PIK3CA: variants seen among roughly 807,000 people sequenced by gnomAD.
The protein encoded by PIK3CA is phosphatidylinositol 4,5-bisphosphate 3-kinase catalytic subunit alpha isoform.
A neutral mutation model predicts 138.2 loss-of-function variants in PIK3CA; 27 were observed. The ratio of observed to expected loss-of-function variants is 0.20; its 90% CI spans 0.14 to 0.27. The LOEUF (loss-of-function observed/expected upper bound fraction) is 0.27, where lower values mean the gene tolerates loss of function less well. PIK3CA is among the 10% of genes least tolerant of loss of function. The probability of loss-of-function intolerance (pLI) is 1.00; values close to 1 mark genes in which losing one functional copy is unlikely to be tolerated. For synonymous variants in PIK3CA, 358 were observed against 413.2 expected (o/e 0.87, Z 1.62); for missense variants, 544 against 1,277.4 (o/e 0.43, Z 8.75).
intron 4 of PIK3CA, among the ~76,000 whole-genome samples, chr3:179,202,939 GTTTTTT>G (rs372017091): frequency 9.2e-5 from 11 of 119,022 alleles, no homozygotes; most frequent in Admixed American, 8.9e-4. Context: ...TGTGATCCTT[GTTTTTT>G]TTTTTTTTTT....
At chr3:179,170,076 G>GCGCGCGTGCACACA (rs1553815527) in intron 1 of PIK3CA, among the ~76,000 whole-genome samples, 1 of 139,210 alleles carries the variant, frequency 7.2e-6, no homozygotes, top group African/African-American at 3.0e-5. Context: ...ACGCGCGCGC[G>GCGCGCGTGCACACA]CACACACACA....
At chr3:179,233,417 ATTT>A (rs75435014) in intron 20 of PIK3CA, 5 of 332,564 alleles carry the variant, frequency 1.5e-5, no homozygotes, top group Admixed American at 5.0e-5. Context: ...AACTATTTTA[ATTT>A]TTTTTTTTTG....
At chr3:179,166,637 T>G (rs1225746860) in intron 1 of PIK3CA, among the ~76,000 whole-genome samples, 1 of 152,230 alleles carries the variant, frequency 6.6e-6, no homozygotes, top group African/African-American at 2.4e-5. Context: ...TACAAATATT[T>G]GTTTAATCAA....
chr3:179,206,092 T>C (rs917802007), intron 6 of PIK3CA, among the ~76,000 whole-genome samples: 5 of 149,046 alleles, frequency 3.4e-5, no homozygotes, highest in African/African-American at 1.2e-4. Context: ...GGATCTTTTT[T>C]TTTTTTTTTT....
chr3:179,211,365 T>C (rs1408190093), intron 9 of PIK3CA, among the ~76,000 whole-genome samples: 1 of 152,202 alleles, frequency 6.6e-6, no homozygotes, highest in Non-Finnish European at 1.5e-5. Context: ...AAGCATTGCA[T>C]ATATCCACTT....
rs1724943124 is a variant in PIK3CA, at chr3:179,220,623, A to G, written c.2016-363A>G. Among the ~76,000 whole-genome samples the G allele has an allele frequency of 6.6e-6, 1 of 152,188 alleles. No homozygotes were observed. The stretch of plus-strand genomic sequence containing the variant: ...AAGTTAAGTTGAAAACAAGAAGCAT[A>G]GGCGTGTGTCAGAAGAGTCAAACAG... On this transcript the variant is annotated intron_variant, in intron 13 of 20. Transcript: ENST00000263967. The surrounding 1 kb of genome is among the most constrained non-coding windows in gnomAD (Gnocchi z 4.1).
At chr3:179,225,040 G>T (rs759898814) in intron 16 of PIK3CA, among the ~76,000 whole-genome samples, 13 of 152,022 alleles carry the variant, frequency 8.6e-5, no homozygotes, top group Non-Finnish European at 1.6e-4. Flanking sequence ...CCTGAAATCA[G>T]TTTTTTGTTT....
intron 1 of PIK3CA, among the ~76,000 whole-genome samples, chr3:179,151,123 A>G (rs1017491006): frequency 6.6e-6 from 1 of 152,248 alleles, no homozygotes; most frequent in African/African-American, 2.4e-5. Flanking sequence ...CTTTAGAAGT[A>G]TATGTCTTAG....
At chr3:179,182,494 C>A (rs1374442875) in intron 1 of PIK3CA, among the ~76,000 whole-genome samples, 1 of 151,874 alleles carries the variant, frequency 6.6e-6, no homozygotes. Flanking sequence ...ATGGCGAGAC[C>A]CCATCTCTGC....
At chr3:179,179,366 A>G (rs1576922657) in intron 1 of PIK3CA, among the ~76,000 whole-genome samples, 1 of 152,234 alleles carries the variant, frequency 6.6e-6, no homozygotes, top group Non-Finnish European at 1.5e-5. Flanking sequence ...CTCATTCTGT[A>G]CCTGACAGTA....
chr3:179,187,187 G>A (rs768157153), intron 1 of PIK3CA, among the ~76,000 whole-genome samples: 28 of 152,064 alleles, frequency 1.8e-4, no homozygotes, highest in Non-Finnish European at 3.7e-4. Context: ...GCCTGAAACA[G>A]TAAGTTCTGT....
At position 179,199,709 on chromosome 3, in the gene PIK3CA, A is replaced by G; in HGVS notation, c.372A>G (p.Pro124=). The change falls in exon 3 of 21, where the codon CCA becomes CCG. Residue 124 remains proline, a synonymous_variant. Transcript: ENST00000263967. ...NREIGFAIGM[P]VCEFDMVKDP... is the part of the protein sequence containing the mutation. Reference sequence around the variant, plus strand: ...TTAAAGGTTTTGCTATCGGCATGCCAGTGTGTGAATTTGATATGGTTAAAG... The same window carrying G: ...TTAAAGGTTTTGCTATCGGCATGCCGGTGTGTGAATTTGATATGGTTAAAG... The G allele has an allele frequency of 6.2e-7, 1 of 1,610,496 alleles. No individual in the cohort carries two copies. The highest frequency in any genetic ancestry group is 8.5e-7 in the Non-Finnish European group (1 of 1,176,938).
intron 1 of PIK3CA, among the ~76,000 whole-genome samples, chr3:179,155,519 A>G (rs909342801): frequency 5.9e-5 from 9 of 151,638 alleles, no homozygotes; most frequent in Non-Finnish European, 1.2e-4. Context: ...TTTCTGTACT[A>G]TGCATATACA....
intron 1 of PIK3CA, among the ~76,000 whole-genome samples, chr3:179,160,596 T>C (rs1234259551): frequency 2.0e-5 from 3 of 152,224 alleles, no homozygotes; most frequent in Non-Finnish European, 4.4e-5. Flanking sequence ...AACTGTCATG[T>C]ATTCTCTTTG....
chr3:179,186,383 G>C (rs972201474), intron 1 of PIK3CA, among the ~76,000 whole-genome samples: 1 of 152,220 alleles, frequency 6.6e-6, no homozygotes, highest in Admixed American at 6.5e-5. Flanking sequence ...GTCCAGAATG[G>C]TGTTAGCTTC....
At position 179,162,462 on chromosome 3, in the gene PIK3CA, C is replaced by G. The variant is rs545093627; in HGVS notation, c.-77+13859C>G. Among the ~76,000 whole-genome samples the G allele has an allele frequency of 2.6e-4, 40 of 152,182 alleles. 1 individual carries two copies. Among genetic ancestry groups the G allele is most frequent in the African/African-American group, 9.6e-4 (40 of 41,528 alleles). Reference sequence around the variant, plus strand: ...CTGGGCTCGAGCAGTCTGCCTACCTCAGTCTCCCAAAGTGTTGGGATTACA... The same window carrying G: ...CTGGGCTCGAGCAGTCTGCCTACCTGAGTCTCCCAAAGTGTTGGGATTACA... On this transcript the variant is annotated intron_variant, in intron 1 of 20. Coordinates refer to ENST00000263967, the MANE Select transcript of PIK3CA (RefSeq NM_006218.4).
chr3:179,219,156 A>G lies in PIK3CA; in HGVS notation c.1665-40A>G. 1.6e-6 allele frequency: 2 copies of G among 1,237,878 alleles called. No individual in the cohort carries two copies. Among genetic ancestry groups the G allele is most frequent in the Non-Finnish European group, 1.2e-6 (1 of 841,888 alleles). The allele number at this position is 1,237,878 out of a possible 1,614,324, so 76.7% of individuals were successfully genotyped here. A position where few individuals can be genotyped will look rare whatever the true frequency, so the allele number is the denominator to read the frequency against. On this transcript the variant is annotated intron_variant, in intron 10 of 20. Transcript: ENST00000263967. The surrounding 1 kb of genome is among the most constrained non-coding windows in gnomAD (Gnocchi z 4.2). The stretch of plus-strand genomic sequence containing the variant: ...TAGACATGTCAACCTTTTGAACAGC[A>G]TGCAAGAATGTTTATGTTTATTTTG...
chr3:179,208,713 C>T (rs1252179265), intron 6 of PIK3CA, among the ~76,000 whole-genome samples: 3 of 151,968 alleles, frequency 2.0e-5, no homozygotes, highest in Non-Finnish European at 2.9e-5. Context: ...CATTAAAATT[C>T]AAATAATTTT....
At chr3:179,177,657 T>C (rs1723732761) in intron 1 of PIK3CA, among the ~76,000 whole-genome samples, 1 of 152,134 alleles carries the variant, frequency 6.6e-6, no homozygotes, top group Admixed American at 6.5e-5. Context: ...TAAAGTATAG[T>C]GGAAGAGAAA....
Sources: allele counts gnomAD v4.1 joint callset (sites outside exome capture counted in the v4.1 genomes callset), GRCh38; gene constraint gnomAD v4.1.1; non-coding constraint Gnocchi (gnomAD v3.1); transcripts MANE v1.5; gene names NCBI Gene and HGNC (gene_info 2026-07-23, HGNC 2026-07-21).